Variants in KDM2B observed in about 807,000 individuals in gnomAD.
The protein encoded by KDM2B is lysine-specific demethylase 2B.
In KDM2B, 26 loss-of-function variants were observed where a neutral mutation model predicts 150.0. The observed-to-expected ratio is 0.17, with a 90% CI of 0.13 to 0.24. The LOEUF is 0.24. Among genes scored for constraint, KDM2B ranks in the 10% least tolerant of loss-of-function variants. The pLI, the probability that KDM2B is intolerant of heterozygous loss-of-function variation, is 1.00. For synonymous variants in KDM2B, 734 were observed against 729.5 expected (o/e 1.01, Z -0.10); for missense variants, 1,265 against 1,816.9 (o/e 0.70, Z 5.52).
chr12:121,555,934 GT>G (rs1172530826), intron 4 of KDM2B, among the ~76,000 whole-genome samples: 3 of 146,844 alleles, frequency 2.0e-5, no homozygotes, highest in African/African-American at 5.0e-5. Flanking sequence ...TTTGTTTTTT[GT>G]TTTTTTTTTG....
intron 4 of KDM2B, among the ~76,000 whole-genome samples, chr12:121,566,315 C>T (rs1275507130): frequency 3.3e-5 from 5 of 151,880 alleles, no homozygotes; most frequent in African/African-American, 7.3e-5. Flanking sequence ...GGTGAAACTC[C>T]GTCTCTACTC....
In KDM2B at chr12:121,509,158, G is replaced by A. The variant is rs200347523; in HGVS notation, c.1647+409C>T. Among the ~76,000 whole-genome samples the A allele has an allele frequency of 3.9e-4, 59 of 152,140 alleles. No homozygotes were observed. In the East Asian group the frequency reaches 0.011, roughly 27 times the overall value. On this transcript the variant is annotated intron_variant, in intron 11 of 22. Coordinates refer to ENST00000377071, the MANE Select transcript of KDM2B (RefSeq NM_032590.5). ...ACTGCAACCTCCACCTCCCAGGTTC[G>A]AGCAATTCTTCTGCCTCAGCCTCCC...
chr12:121,419,972 G>A, the KDM2B span: 1 of 328,956 alleles, frequency 3.0e-6, no homozygotes, highest in Non-Finnish European at 5.9e-6. Context: ...TTCCATTATG[G>A]GACCTTCCTG....
At chr12:121,510,653 T>G (rs1382120941) in intron 10 of KDM2B, among the ~76,000 whole-genome samples, 1 of 151,768 alleles carries the variant, frequency 6.6e-6, no homozygotes, top group Non-Finnish European at 1.5e-5. Context: ...ATTAGCTGGG[T>G]GTGATGATGT....
chr12:121,469,349 C>A (rs1880493593), intron 12 of KDM2B: 1 of 124,658 alleles, frequency 8.0e-6, no homozygotes, highest in South Asian at 2.9e-4. Flanking sequence ...GGCGCGGTGG[C>A]TCACGCCTGT....
chr12:121,423,636 C>G, the KDM2B span: 3 of 1,412,558 alleles, frequency 2.1e-6, no homozygotes, highest in Non-Finnish European at 3.0e-6. This position sits in a 1 kb window ranked among gnomAD's most constrained non-coding sequence, Gnocchi z 4.3. Flanking sequence ...TTTCAATGCA[C>G]AGAAGGGACT....
At chr12:121,523,981 G>A (rs1886913280) in intron 8 of KDM2B, among the ~76,000 whole-genome samples, 1 of 152,170 alleles carries the variant, frequency 6.6e-6, no homozygotes, top group Admixed American at 6.5e-5. Context: ...CTGCCTGCAG[G>A]CTGACCTCAA....
intron 6 of KDM2B, among the ~76,000 whole-genome samples, chr12:121,535,210 CAA>C (rs34287525): frequency 1.6e-5 from 2 of 128,882 alleles, no homozygotes; most frequent in Non-Finnish European, 1.7e-5. Context: ...GTTAAATGAC[CAA>C]AAAAAAAAAA....
chr12:121,438,484 G>T (rs558348821), intron 22 of KDM2B, among the ~76,000 whole-genome samples: 1 of 152,084 alleles, frequency 6.6e-6, no homozygotes, highest in Non-Finnish European at 1.5e-5. Flanking sequence ...AGAGTAAGAC[G>T]ACTCCCAGGC....
chr12:121,499,403 G>A (rs1884299444), intron 11 of KDM2B, among the ~76,000 whole-genome samples: 1 of 151,520 alleles, frequency 6.6e-6, no homozygotes, highest in Non-Finnish European at 1.5e-5. Flanking sequence ...TTATAGGCGT[G>A]AGCCACCACA....
chr12:121,435,051 A>AAG lies in KDM2B; in HGVS notation c.3830-4583_3830-4582insCT, dbSNP rs11421733. ...GCCAACAAAGGGAAAAAAAAAAAAAAGGCCAGGTGCAGTGGCTCATGCCTG... is the reference window on the plus strand; with the variant it reads ...GCCAACAAAGGGAAAAAAAAAAAAAAAGGGCCAGGTGCAGTGGCTCATGCCTG... On this transcript the variant is annotated intron_variant, in intron 22 of 22. Coordinates refer to ENST00000377071, the MANE Select transcript of KDM2B (RefSeq NM_032590.5). 4.0e-4 allele frequency among the ~76,000 whole-genome samples: 61 copies of AAG among 150,798 alleles called. 2 individuals are homozygous for AAG. The East Asian group carries it at 0.011, about 27-fold the overall frequency.
intron 22 of KDM2B, among the ~76,000 whole-genome samples, chr12:121,435,782 C>A (rs1015883139): frequency 6.6e-6 from 1 of 152,158 alleles, no homozygotes; most frequent in East Asian, 1.9e-4. Context: ...TTCTGGCAAT[C>A]CTGACCAGCT....
At chr12:121,464,974 C>G (rs1879659360) in intron 12 of KDM2B, among the ~76,000 whole-genome samples, 1 of 152,086 alleles carries the variant, frequency 6.6e-6, no homozygotes, top group Non-Finnish European at 1.5e-5. Flanking sequence ...GGAGAGTGTC[C>G]CCCAACTACG....
At chr12:121,530,211 G>C (rs537435859) in intron 8 of KDM2B, among the ~76,000 whole-genome samples, 12 of 126,724 alleles carry the variant, frequency 9.5e-5, no homozygotes, top group Non-Finnish European at 1.6e-4. Context: ...CTGGGCAACA[G>C]AGCAAGACTC....
chr12:121,522,430 G>A lies in KDM2B; in HGVS notation c.932-1330C>T, dbSNP rs572431583. 2.0e-5 allele frequency among the ~76,000 whole-genome samples: 3 copies of A among 151,424 alleles called. No individual in the cohort carries two copies. The South Asian group carries it at 6.2e-4, about 32-fold the overall frequency. On this transcript the variant is annotated intron_variant, in intron 8 of 22. Coordinates refer to ENST00000377071, the MANE Select transcript of KDM2B (RefSeq NM_032590.5). Reference sequence around the variant, plus strand: ...CTCAGGAGGCTGAGGCAGGGGAATCGCTTGAACCCGGAAGGTGAGGTTGCA... The same window carrying A: ...CTCAGGAGGCTGAGGCAGGGGAATCACTTGAACCCGGAAGGTGAGGTTGCA...
At chr12:121,496,382 G>A (rs1883937561) in intron 11 of KDM2B, among the ~76,000 whole-genome samples, 1 of 152,114 alleles carries the variant, frequency 6.6e-6, no homozygotes, top group Admixed American at 6.6e-5. Context: ...AGCAGGAAGA[G>A]CAGAAGCGCT....
chr12:121,410,790 T>G, the KDM2B span, among the ~76,000 whole-genome samples: 1 of 152,238 alleles, frequency 6.6e-6, no homozygotes, highest in African/African-American at 2.4e-5. Flanking sequence ...CTAATGAGGC[T>G]GCAACCTAAA....
intron 11 of KDM2B, among the ~76,000 whole-genome samples, chr12:121,501,703 C>A (rs1330452567): frequency 1.4e-5 from 2 of 147,508 alleles, no homozygotes; most frequent in Non-Finnish European, 2.9e-5. Flanking sequence ...TCACTGCAAC[C>A]TCCGCCTCCT....
At chr12:121,581,081 T>G (rs1210479056), upstream of KDM2B, 17 of 809,574 alleles carry the variant, frequency 2.1e-5, no homozygotes, top group Admixed American at 1.0e-4. Flanking sequence ...AGACGTTGCC[T>G]TTCATTCATT....
Sources: allele counts gnomAD v4.1 joint callset (sites outside exome capture counted in the v4.1 genomes callset), GRCh38; gene constraint gnomAD v4.1.1; non-coding constraint Gnocchi (gnomAD v3.1); transcripts MANE v1.5; gene names NCBI Gene and HGNC (gene_info 2026-07-23, HGNC 2026-07-21).